Variants in UCK2 observed in about 807,000 individuals in gnomAD.
UCK2 encodes uridine-cytidine kinase 2, also known as cytidine monophosphokinase 2.
In UCK2, 6 loss-of-function variants were observed where a neutral mutation model predicts 30.8. The ratio of observed to expected loss-of-function variants is 0.19; its 90% CI spans 0.11 to 0.38. The LOEUF (loss-of-function observed/expected upper bound fraction) is 0.38, where lower values mean the gene tolerates loss of function less well. Among genes scored for constraint, UCK2 ranks in the 10% least tolerant of loss-of-function variants. The pLI, the probability that UCK2 is intolerant of heterozygous loss-of-function variation, is 1.00. For synonymous variants in UCK2, 125 were observed against 133.6 expected, an observed-to-expected ratio of 0.94 and a Z score of 0.45; for missense variants, 210 against 339.8, an observed-to-expected ratio of 0.62 and a Z score of 3.00.
chr1:165,827,868 A>T lies in UCK2; in HGVS notation c.35A>T (p.His12Leu). The change falls in exon 1 of 7, where the codon CAC becomes CTC. Residue 12 changes from histidine to leucine, a missense_variant. Coordinates refer to ENST00000367879, the MANE Select transcript of UCK2 (RefSeq NM_012474.5). ...AGDSEQTLQN[H>L]QQPNGGEPFL... is the part of the protein sequence containing the mutation. ...GACAGCGAGCAGACCCTGCAGAACC[A>T]CCAGCAGCCCAACGGCGGCGAGCCC... 1 of 1,480,566 alleles carries T rather than the reference A, an allele frequency of 6.8e-7. No homozygotes were observed. Among genetic ancestry groups the T allele is most frequent in the Non-Finnish European group, 9.0e-7 (1 of 1,108,818 alleles). 91.7% of individuals were successfully genotyped at this position (1,480,566 alleles called of 1,614,324 possible).
At chr1:165,856,511 C>T (rs1654750500) in intron 1 of UCK2, among the ~76,000 whole-genome samples, 1 of 144,836 alleles carries the variant, frequency 6.9e-6, no homozygotes, top group African/African-American at 2.5e-5. Flanking sequence ...AATCTTCCTC[C>T]CTCTTTTTAA....
intron 1 of UCK2, among the ~76,000 whole-genome samples, chr1:165,863,532 T>C (rs1216118423): frequency 3.9e-5 from 6 of 152,238 alleles, no homozygotes; most frequent in Non-Finnish European, 8.8e-5. Context: ...TGTGTTTCCG[T>C]GTTGCACAGT....
chr1:165,848,369 C>T (rs149669335), intron 1 of UCK2, among the ~76,000 whole-genome samples: 6 of 152,248 alleles, frequency 3.9e-5, no homozygotes, highest in East Asian at 3.9e-4. Context: ...TGGTGGCTTA[C>T]GCCTGTAATC....
intron 1 of UCK2, among the ~76,000 whole-genome samples, chr1:165,883,916 T>G (rs1308976284): frequency 1.3e-5 from 2 of 152,210 alleles, no homozygotes; most frequent in Non-Finnish European, 2.9e-5. Context: ...GTTTGAACCT[T>G]GTTCTTAGTT....
At position 165,908,718 on chromosome 1, in the gene UCK2, C is replaced by G. The variant is rs188945704; in HGVS notation, c.*895C>G. ...GGCAGAACTTTGCCTGCTGTCATAT[C>G]TGAAGAATCACTGGTTCTTTCTGCA... On this transcript the variant is annotated 3_prime_UTR_variant, in exon 7 of 7. Transcript: ENST00000367879. 2.4e-3 allele frequency: 369 copies of G among 152,426 alleles called. No homozygotes were observed. Among genetic ancestry groups the G allele is most frequent in the Non-Finnish European group, 4.2e-3 (286 of 68,102 alleles). The allele number at this position is 152,426 out of a possible 1,614,324, so 9.4% of individuals were successfully genotyped here. A position where few individuals can be genotyped will look rare whatever the true frequency, so the allele number is the denominator to read the frequency against.
At chr1:165,848,767 T>C (rs899778049) in intron 1 of UCK2, among the ~76,000 whole-genome samples, 15 of 152,286 alleles carry the variant, frequency 9.8e-5, no homozygotes, top group African/African-American at 3.1e-4. Context: ...TTTGATACTA[T>C]CTGCCCTTCA....
chr1:165,848,282 G>T (rs906495343), intron 1 of UCK2, among the ~76,000 whole-genome samples: 1 of 152,158 alleles, frequency 6.6e-6, no homozygotes, highest in Non-Finnish European at 1.5e-5. Context: ...TTACTGGTTT[G>T]TACAAGCAGT....
intron 1 of UCK2, among the ~76,000 whole-genome samples, chr1:165,854,965 TAATA>T (rs1052307656): frequency 1.4e-4 from 22 of 152,172 alleles, no homozygotes; most frequent in African/African-American, 5.3e-4. Flanking sequence ...TACGAAGGTA[TAATA>T]AATAATTTTC....
intron 1 of UCK2, among the ~76,000 whole-genome samples, chr1:165,869,653 A>G (rs1433543007): frequency 8.0e-6 from 1 of 124,428 alleles, no homozygotes. Context: ...GAATCTCATC[A>G]TGGGCCTTTT....
At chr1:165,890,390 TATC>T (rs777413066) in intron 2 of UCK2, 27 bp downstream of exon 2, 65 of 1,609,786 alleles carry the variant, frequency 4.0e-5, no homozygotes, top group Non-Finnish European at 5.2e-5. Context: ...AGGGGGTATG[TATC>T]TGTATTGGTG....
chr1:165,865,202 C>G (rs1212776947), intron 1 of UCK2, among the ~76,000 whole-genome samples: 1 of 152,198 alleles, frequency 6.6e-6, no homozygotes, highest in Non-Finnish European at 1.5e-5. Flanking sequence ...GGGCATCTTC[C>G]TAAGTTAATT....
intron 1 of UCK2, among the ~76,000 whole-genome samples, chr1:165,842,794 T>G (rs1434693647): frequency 6.6e-6 from 1 of 152,210 alleles, no homozygotes; most frequent in Non-Finnish European, 1.5e-5. Context: ...AGTCTTGCTG[T>G]CATCCTGTTC....
intron 1 of UCK2, among the ~76,000 whole-genome samples, chr1:165,841,820 C>T (rs942507957): frequency 1.3e-5 from 2 of 152,148 alleles, no homozygotes; most frequent in Non-Finnish European, 2.9e-5. Context: ...TCTCTTGTGT[C>T]ATGGTTAGCT....
chr1:165,890,848 G>GA (rs1248738600), intron 2 of UCK2: 4 of 259,468 alleles, frequency 1.5e-5, no homozygotes, highest in Admixed American at 1.0e-4. Context: ...ATAATTGTTA[G>GA]AAGCAAACCT....
chr1:165,855,393 G>A (rs188089091), intron 1 of UCK2, among the ~76,000 whole-genome samples: 42 of 151,878 alleles, frequency 2.8e-4, no homozygotes, highest in Admixed American at 1.8e-3. Flanking sequence ...CTTACATTTT[G>A]TTTCAGGACA....
chr1:165,877,990 A>G (rs1183817598), intron 1 of UCK2, among the ~76,000 whole-genome samples: 1 of 152,158 alleles, frequency 6.6e-6, no homozygotes, highest in Non-Finnish European at 1.5e-5. Flanking sequence ...CATCCTTATC[A>G]ACAAGTTAAT....
Position 165,909,624 on chromosome 1 carries a change from C to T in UCK2, c.*1801C>T, listed in dbSNP as rs1274575679. On this transcript the variant is annotated 3_prime_UTR_variant, in exon 7 of 7. Transcript: ENST00000367879. ...GACCGTGCAGGCTCTGAAGGGAGCTCCCAGTCACAGCAGCCGCCTACTTGG... is the reference window on the plus strand; with the variant it reads ...GACCGTGCAGGCTCTGAAGGGAGCTTCCAGTCACAGCAGCCGCCTACTTGG... The T allele has an allele frequency of 6.6e-6, 1 of 152,264 alleles. No individual in the cohort carries two copies. The highest frequency in any genetic ancestry group is 1.5e-5 in the Non-Finnish European group (1 of 68,064). 9.4% of individuals were successfully genotyped at this position (152,264 alleles called of 1,614,324 possible). A position where few individuals can be genotyped will look rare whatever the true frequency, so the allele number is the denominator to read the frequency against.
chr1:165,827,888 G>A lies in UCK2; in HGVS notation c.55G>A (p.Glu19Lys). 3 of 1,478,710 alleles carry A rather than the reference G, an allele frequency of 2.0e-6. No homozygotes were observed. Among genetic ancestry groups the A allele is most frequent in the South Asian group, 2.7e-5 (2 of 73,052 alleles). 91.6% of individuals were successfully genotyped at this position (1,478,710 alleles called of 1,614,324 possible). ...GAACCACCAGCAGCCCAACGGCGGC[G>A]AGCCCTTCCTTATAGGCGTCAGCGG... ...LQNHQQPNGG[E>K]PFLIGVSGGT... The change falls in exon 1 of 7, where the codon GAG becomes AAG. Residue 19 changes from glutamate to lysine, a missense_variant. Physicochemically the swap from Glu to Lys is moderately conservative, Grantham distance 56 (BLOSUM62 1). Transcript: ENST00000367879.
intron 1 of UCK2, among the ~76,000 whole-genome samples, chr1:165,849,376 T>TGG (rs1225663916): frequency 6.6e-6 from 1 of 152,120 alleles, no homozygotes; most frequent in Non-Finnish European, 1.5e-5. Flanking sequence ...GGCACAACCG[T>TGG]GGGCTCCGAT....
Sources: gnomAD v4.1 joint callset for allele counts (sites outside exome capture counted in the v4.1 genomes callset) on GRCh38, gnomAD v4.1.1 for gene constraint, MANE v1.5 for transcripts, NCBI Gene and HGNC (gene_info 2026-07-23, HGNC 2026-07-21) for gene names.